The following SLCO1B1 variants were observed in gnomAD, a reference collection of about 807,000 sequenced individuals.
SLCO1B1 encodes solute carrier organic anion transporter family member 1B1.
In SLCO1B1, 81 loss-of-function variants were observed where a neutral mutation model predicts 70.1. That is an observed-to-expected ratio of 1.16 (90% CI 0.97 to 1.39). The LOEUF (loss-of-function observed/expected upper bound fraction) is 1.39. SLCO1B1 is among the 40% of genes most tolerant of loss of function. The pLI is 0.00. For synonymous variants in SLCO1B1, 283 were observed against 271.5 expected (o/e 1.04, Z -0.42); for missense variants, 895 against 799.6 (o/e 1.12, Z -1.44).
Position 21,170,946 on chromosome 12 carries a change from C to T in SLCO1B1, c.85-1704C>T, listed in dbSNP as rs1009933279. 4.6e-5 allele frequency among the ~76,000 whole-genome samples: 7 copies of T among 152,282 alleles called. No homozygotes were observed. The East Asian group carries it at 1.4e-3, about 29-fold the overall frequency. On this transcript the variant is annotated intron_variant, in intron 2 of 14. Coordinates refer to ENST00000256958, the MANE Select transcript of SLCO1B1 (RefSeq NM_006446.5). ...TAGGTTTTGGTTATATAAATGTTCA[C>T]TCATTATTTCTTAAGCATCTTTGTG...
At chr12:21,167,192 C>T (rs1034382887) in intron 2 of SLCO1B1, among the ~76,000 whole-genome samples, 5 of 151,980 alleles carry the variant, frequency 3.3e-5, no homozygotes, top group Non-Finnish European at 5.9e-5. Context: ...TATAATAATC[C>T]TCTTGATAAA....
intron 7 of SLCO1B1, among the ~76,000 whole-genome samples, chr12:21,194,429 G>A (rs2121135539): frequency 6.6e-6 from 1 of 151,576 alleles, no homozygotes; most frequent in African/African-American, 2.4e-5. Context: ...TATTAATTTT[G>A]TTTTTTTGGG....
chr12:21,148,385 ATAAGGTG>A (rs1316905807), intron 2 of SLCO1B1, among the ~76,000 whole-genome samples: 1 of 151,298 alleles, frequency 6.6e-6, no homozygotes, highest in African/African-American at 2.4e-5. Context: ...TAATTTTTGA[ATAAGGTG>A]TAAGAAAGGG....
At chr12:21,233,157 G>C (rs1941559191) in intron 14 of SLCO1B1, among the ~76,000 whole-genome samples, 2 of 152,026 alleles carry the variant, frequency 1.3e-5, no homozygotes, top group Admixed American at 1.3e-4. Flanking sequence ...GATGTGGAGG[G>C]CTAAACTCCA....
rs567678480 is a variant in SLCO1B1, at chr12:21,239,323, A to T, written c.*134A>T. On this transcript the variant is annotated 3_prime_UTR_variant, in exon 15 of 15. Coordinates refer to ENST00000256958, the MANE Select transcript of SLCO1B1 (RefSeq NM_006446.5). ...ATCTTTTATGGTGGAAGTATAAATAAGCCTATGAACTTATAATAAAACAAA... is the reference window on the plus strand; with the variant it reads ...ATCTTTTATGGTGGAAGTATAAATATGCCTATGAACTTATAATAAAACAAA... The T allele has an allele frequency of 2.0e-4, 149 of 748,886 alleles. 2 individuals are homozygous for T. The South Asian group carries it at 2.0e-3, about 10-fold the overall frequency. The allele number at this position is 748,886 out of a possible 1,614,324, so 46.4% of individuals were successfully genotyped here. A position where few individuals can be genotyped will look rare whatever the true frequency, so the allele number is the denominator to read the frequency against.
At chr12:21,166,902 A>T (rs556036709) in intron 2 of SLCO1B1, among the ~76,000 whole-genome samples, 6 of 152,324 alleles carry the variant, frequency 3.9e-5, no homozygotes, top group Middle Eastern at 3.4e-3. Context: ...GGTGTCCTTC[A>T]ATATGAGAAT....
intron 10 of SLCO1B1, among the ~76,000 whole-genome samples, chr12:21,205,204 AAT>A (rs1565438428): frequency 6.6e-6 from 1 of 151,942 alleles, no homozygotes; most frequent in Non-Finnish European, 1.5e-5. Flanking sequence ...TTATACAAAA[AAT>A]ATATTTTATA....
In SLCO1B1 at chr12:21,186,456, A is replaced by T. The variant is rs550668404; in HGVS notation, c.727+7436A>T. On this transcript the variant is annotated intron_variant, in intron 7 of 14. Transcript: ENST00000256958. The stretch of plus-strand genomic sequence containing the variant: ...CTGATTGTGATTCTTGTGCGTTTTT[A>T]TACTGTTTAGTGCAATACTGTCAAC... Among the ~76,000 whole-genome samples the T allele has an allele frequency of 2.0e-3, 304 of 152,166 alleles. 2 individuals are homozygous for T. Among genetic ancestry groups the T allele is most frequent in the African/African-American group, 7.2e-3 (299 of 41,562 alleles).
At chr12:21,198,542 A>G (rs1368842682) in intron 8 of SLCO1B1, among the ~76,000 whole-genome samples, 1 of 152,094 alleles carries the variant, frequency 6.6e-6, no homozygotes, top group Non-Finnish European at 1.5e-5. Context: ...AAATAGGACA[A>G]TTGTAGACAT....
intron 11 of SLCO1B1, among the ~76,000 whole-genome samples, chr12:21,213,316 G>T (rs200867153): frequency 1.3e-5 from 2 of 151,616 alleles, no homozygotes; most frequent in African/African-American, 4.8e-5. Context: ...TTTCTCCTTC[G>T]CTTATGAAGC....
At chr12:21,164,675 C>T (rs911624721) in intron 2 of SLCO1B1, among the ~76,000 whole-genome samples, 3 of 152,210 alleles carry the variant, frequency 2.0e-5, no homozygotes, top group South Asian at 2.1e-4. Flanking sequence ...TTCAAATAAT[C>T]CGTGTTATTT....
At chr12:21,176,000 T>C (rs1373909483) in intron 4 of SLCO1B1, among the ~76,000 whole-genome samples, 1 of 152,118 alleles carries the variant, frequency 6.6e-6, no homozygotes, top group Non-Finnish European at 1.5e-5. Context: ...CTTCTATTCA[T>C]CTTCCAGATT....
At chr12:21,149,909 T>TGGAACCCACCCCCATAGAGCCCAGC (rs1340495052) in intron 2 of SLCO1B1, among the ~76,000 whole-genome samples, 4 of 152,130 alleles carry the variant, frequency 2.6e-5, no homozygotes, top group African/African-American at 9.7e-5. Flanking sequence ...TCTAGCTCAG[T>TGGAACCCACCCCCATAGAGCCCAGC]GGATCCCACC....
intron 2 of SLCO1B1, among the ~76,000 whole-genome samples, chr12:21,153,271 AT>A (rs1940497753): frequency 6.6e-6 from 1 of 152,144 alleles, no homozygotes. Context: ...ATACCAGCAT[AT>A]ATTTTTTATT....
chr12:21,208,988 T>TA (rs1941246039), intron 11 of SLCO1B1, among the ~76,000 whole-genome samples: 1 of 152,060 alleles, frequency 6.6e-6, no homozygotes, highest in South Asian at 2.1e-4. Context: ...TCTGAAACTT[T>TA]ATTAGAGTAT....
chr12:21,177,821 C>T (rs1421307403), intron 5 of SLCO1B1, among the ~76,000 whole-genome samples: 1 of 152,012 alleles, frequency 6.6e-6, no homozygotes, highest in East Asian at 1.9e-4. Context: ...TTATTCAGCA[C>T]ATTACTGTCC....
At chr12:21,166,377 T>G (rs1002423644) in intron 2 of SLCO1B1, among the ~76,000 whole-genome samples, 1 of 152,076 alleles carries the variant, frequency 6.6e-6, no homozygotes, top group Non-Finnish European at 1.5e-5. Flanking sequence ...CCAGAAGACA[T>G]TGAAATGATA....
At chr12:21,222,228 A>G in intron 12 of SLCO1B1, 72 bp from the exon 13 acceptor site, 1 of 702,664 alleles carries the variant, frequency 1.4e-6, no homozygotes, top group Non-Finnish European at 2.4e-6. Flanking sequence ...ACAACACAGG[A>G]GAAGGTTTAA....
intron 7 of SLCO1B1, among the ~76,000 whole-genome samples, chr12:21,184,272 G>A (rs1233313757): frequency 2.0e-5 from 3 of 152,064 alleles, no homozygotes; most frequent in African/African-American, 4.8e-5. Flanking sequence ...ATGCTATAAA[G>A]ATGACAATCC....
Sources: allele counts gnomAD v4.1 joint callset (sites outside exome capture counted in the v4.1 genomes callset), GRCh38; gene constraint gnomAD v4.1.1; transcripts MANE v1.5; gene names NCBI Gene and HGNC (gene_info 2026-07-23, HGNC 2026-07-21).